NINL: variants seen among roughly 807,000 people sequenced by gnomAD.
NINL encodes the protein ninein like.
Under a neutral mutation model 160.3 loss-of-function variants are expected in NINL, and 153 were observed. The observed-to-expected ratio is 0.95, with a 90% CI of 0.84 to 1.09. The LOEUF (loss-of-function observed/expected upper bound fraction) is 1.09. NINL is among the 50% of genes least tolerant of loss of function. The pLI, the probability that NINL is intolerant of heterozygous loss-of-function variation, is 0.00. For synonymous variants in NINL, 800 were observed against 734.8 expected (o/e 1.09, Z -1.43); for missense variants, 1,829 against 1,764.0 (o/e 1.04, Z -0.66).
intron 5 of NINL, among the ~76,000 whole-genome samples, chr20:25,507,713 G>A (rs2063990146): frequency 2.0e-5 from 3 of 152,324 alleles, no homozygotes; most frequent in Middle Eastern, 3.4e-3. Context: ...GCCAGACTGT[G>A]TGCTCACAAA....
At chr20:25,552,701 T>G (rs1005373404) in intron 1 of NINL, among the ~76,000 whole-genome samples, 1 of 152,030 alleles carries the variant, frequency 6.6e-6, no homozygotes, top group Non-Finnish European at 1.5e-5. Context: ...GGCTGAGAGG[T>G]CCTGGAAAGA....
Position 25,512,900 on chromosome 20 carries a change from C to T in NINL, c.384G>A (p.Pro128=), listed in dbSNP as rs768551756. 1.2e-5 allele frequency: 20 copies of T among 1,614,058 alleles called. No individual in the cohort carries two copies. The highest frequency in any genetic ancestry group is 1.6e-4 in the Middle Eastern group (1 of 6,084). ...TCAGGCTGGCCTGGGTTTGCTGCTC[C>T]GGCACGCGTCTGGCTTCTGTGGCAG... The part of the protein sequence containing the change: ...CDAATEARRV[P]EQQTQASLKS... The change falls in exon 4 of 24, where the codon CCG becomes CCA. Residue 128 remains proline, a synonymous_variant. Transcript: ENST00000278886.
At chr20:25,509,139 C>G (rs1445244878) in intron 5 of NINL, among the ~76,000 whole-genome samples, 1 of 152,104 alleles carries the variant, frequency 6.6e-6, no homozygotes, top group Admixed American at 6.5e-5. Context: ...TGAGGAAATC[C>G]CAGCCCTGTT....
intron 7 of NINL, 49 bp downstream of exon 7, chr20:25,503,903 G>C: frequency 6.2e-7 from 1 of 1,606,036 alleles, no homozygotes; most frequent in South Asian, 1.1e-5. Flanking sequence ...AGTCACCAGA[G>C]AGTGACAGCA....
chr20:25,550,785 TGTACGATCA>T (rs2064798774), intron 1 of NINL, among the ~76,000 whole-genome samples: 1 of 152,200 alleles, frequency 6.6e-6, no homozygotes, highest in Non-Finnish European at 1.5e-5. Flanking sequence ...GTAAATAGAA[TGTACGATCA>T]GGTTTTACAC....
intron 1 of NINL, among the ~76,000 whole-genome samples, chr20:25,576,028 C>T (rs2065111173): frequency 6.6e-6 from 1 of 152,186 alleles, no homozygotes; most frequent in Non-Finnish European, 1.5e-5. Context: ...CACAGTACAA[C>T]AAACTAGGGA....
At chr20:25,461,357 C>T (rs1405772814) in intron 21 of NINL, among the ~76,000 whole-genome samples, 165 bp downstream of exon 21, 3 of 152,234 alleles carry the variant, frequency 2.0e-5, no homozygotes, top group Non-Finnish European at 4.4e-5. Flanking sequence ...CAACCCTGCA[C>T]TGGGAGCAGC....
At chr20:25,535,432 T>C (rs1173826532) in intron 1 of NINL, among the ~76,000 whole-genome samples, 3 of 152,230 alleles carry the variant, frequency 2.0e-5, no homozygotes, top group African/African-American at 4.8e-5. Flanking sequence ...GTATTAAGTA[T>C]GTGAGGGGAC....
rs1205330346 is a variant in NINL at position 25,462,550 on chromosome 20, A to G, written c.3424-9T>C. 6.3e-7 allele frequency: 1 copy of G among 1,595,144 alleles called. No individual in the cohort carries two copies. Among genetic ancestry groups the G allele is most frequent in the African/African-American group, 1.4e-5 (1 of 73,842 alleles). ...TCCTTGTAGTTCTGATTCTGGGGGAAAAAGTTTTTAAATACATAAGAAAAA... is the reference window on the plus strand; with the variant it reads ...TCCTTGTAGTTCTGATTCTGGGGGAGAAAGTTTTTAAATACATAAGAAAAA... On this transcript the variant is annotated splice_polypyrimidine_tract_variant and intron_variant, in intron 19 of 23. Transcript: ENST00000278886.
chr20:25,510,731 A>T lies in NINL; in HGVS notation c.460T>A (p.Ser154Thr). 1 of 1,613,356 alleles carries T rather than the reference A, an allele frequency of 6.2e-7. No individual in the cohort carries two copies. The highest frequency in any genetic ancestry group is 1.1e-5 in the South Asian group (1 of 91,024). Residue 154 changes from serine to threonine, a missense_variant, in exon 5 of 24, where the codon TCA becomes ACA. Ser to Thr is a moderately conservative substitution (Grantham distance 58). Coordinates refer to ENST00000278886, the MANE Select transcript of NINL (RefSeq NM_025176.6). Reference sequence around the variant, plus strand: ...TTAGTGCTCTCGGCCTCTTCATCTGACTTGGGACTCTGTAGAAAGATGCAG... The same window carrying T: ...TTAGTGCTCTCGGCCTCTTCATCTGTCTTGGGACTCTGTAGAAAGATGCAG... ...ASLESVESPK[S>T]DEEAESTKEA...
chr20:25,513,104 C>T lies in NINL; in HGVS notation c.278-98G>A, dbSNP rs114835995. ...CTCTGAGAAGGTGCACACTCAGCAC[C>T]GAGTGTGCCCCTCAAACACGTACTG... On this transcript the variant is annotated intron_variant, in intron 3 of 23. Transcript: ENST00000278886. The T allele has an allele frequency of 3.5e-3, 4,298 of 1,222,486 alleles. 73 individuals are homozygous for T. In the African/African-American group the frequency reaches 0.044, roughly 13 times the overall value. 75.7% of individuals were successfully genotyped at this position (1,222,486 alleles called of 1,614,324 possible).
At position 25,496,675 on chromosome 20, in the gene NINL, T is replaced by G. The variant is rs774911309; in HGVS notation, c.1298A>C (p.Glu433Ala). 6.2e-7 allele frequency: 1 copy of G among 1,614,022 alleles called. No individual in the cohort carries two copies. Among genetic ancestry groups the G allele is most frequent in the Non-Finnish European group, 8.5e-7 (1 of 1,179,998 alleles). ...DCHSTLEQLT[E>A]KKIKHLEQGY... ...GCCCAGAACCCACTTGATTTTCTTC[T>G]CCGTGAGCTGCTCCAGGGTGGAGTG... The change falls in exon 10 of 24, where the codon GAG becomes GCG. Residue 433 changes from glutamate to alanine, a missense_variant. Physicochemically the swap from Glu to Ala is moderately radical, Grantham distance 107. Coordinates refer to ENST00000278886, the MANE Select transcript of NINL (RefSeq NM_025176.6).
intron 1 of NINL, among the ~76,000 whole-genome samples, chr20:25,579,552 C>T (rs1472183285): frequency 6.6e-6 from 1 of 152,178 alleles, no homozygotes; most frequent in African/African-American, 2.4e-5. Flanking sequence ...AAAGCCTGTC[C>T]TTCCTGTCCC....
intron 1 of NINL, among the ~76,000 whole-genome samples, chr20:25,544,192 G>A (rs1013148392): frequency 6.7e-6 from 1 of 148,356 alleles, no homozygotes; most frequent in Non-Finnish European, 1.5e-5. Context: ...ACAATTTGAC[G>A]CGTGGAATCT....
At chr20:25,550,497 G>C (rs1368427205) in intron 1 of NINL, among the ~76,000 whole-genome samples, 1 of 152,136 alleles carries the variant, frequency 6.6e-6, no homozygotes, top group East Asian at 1.9e-4. Flanking sequence ...ACCGGCACTG[G>C]TCTCTGAGTT....
chr20:25,494,895 C>T (rs985619272), intron 10 of NINL, among the ~76,000 whole-genome samples: 17 of 152,204 alleles, frequency 1.1e-4, no homozygotes, highest in African/African-American at 3.6e-4. Context: ...CAGTGGCCTT[C>T]GGCTGACCCA....
chr20:25,521,349 A>T (rs2064259508), intron 2 of NINL, among the ~76,000 whole-genome samples: 1 of 152,230 alleles, frequency 6.6e-6, no homozygotes, highest in South Asian at 2.1e-4. Flanking sequence ...AGCTCTAAAA[A>T]AATCTCTAAT....
intron 1 of NINL, among the ~76,000 whole-genome samples, chr20:25,581,580 TA>T (rs2065176060): frequency 6.6e-6 from 1 of 152,238 alleles, no homozygotes. Flanking sequence ...ATTAGTGGTT[TA>T]AATGATGACA....
chr20:25,475,283 C>CTAACAA (rs1182902000), intron 17 of NINL, among the ~76,000 whole-genome samples: 1 of 151,966 alleles, frequency 6.6e-6, no homozygotes, highest in Non-Finnish European at 1.5e-5. Context: ...AAAAAACCTC[C>CTAACAA]TAACAAAGCC....
Sources: allele counts gnomAD v4.1 joint callset (sites outside exome capture counted in the v4.1 genomes callset), GRCh38; gene constraint gnomAD v4.1.1; transcripts MANE v1.5; gene names NCBI Gene and HGNC (gene_info 2026-07-23, HGNC 2026-07-21).